SLC30A8: variants seen among roughly 807,000 people sequenced by gnomAD.
The protein encoded by SLC30A8 is proton-coupled zinc antiporter SLC30A8.
Under a neutral mutation model 36.9 loss-of-function variants are expected in SLC30A8, and 27 were observed. The observed-to-expected ratio is 0.73, with a 90% CI of 0.54 to 1.01. The LOEUF is 1.01. Ranked by LOEUF, SLC30A8 falls within the 50% of genes least tolerant of loss-of-function variation. The probability of loss-of-function intolerance (pLI) is 0.00; values close to 1 mark genes in which losing one functional copy is unlikely to be tolerated. For missense variants in SLC30A8, 439 were observed against 452.0 expected (o/e 0.97, Z 0.26); for synonymous variants, 164 against 172.4 (o/e 0.95, Z 0.38).
At chr8:117,064,873 A>G (rs1818122846) in intron 2 of SLC30A8, among the ~76,000 whole-genome samples, 1 of 152,192 alleles carries the variant, frequency 6.6e-6, no homozygotes, top group Non-Finnish European at 1.5e-5. Flanking sequence ...GATCATTGCA[A>G]TGGCACTGTT....
rs1386089243 is a variant in SLC30A8, at chr8:116,985,291, CAT to C, written c.-266+34174_-266+34175del. Among the ~76,000 whole-genome samples the C allele has an allele frequency of 2.1e-4, 23 of 111,012 alleles. 1 individual carries two copies. Among genetic ancestry groups the C allele is most frequent in the Admixed American group, 8.2e-4 (8 of 9,718 alleles). The allele number at this position is 111,012 out of a possible 152,430, so 72.8% of individuals were successfully genotyped here. On this transcript the variant is annotated intron_variant, in intron 1 of 10. Transcript: ENST00000427715. ...ATGCAAGCATGTGCATGCTCACACA[CAT>C]ACACACACACACACACACACACACA...
chr8:117,031,518 T>C (rs1365769935), intron 1 of SLC30A8, among the ~76,000 whole-genome samples: 1 of 151,804 alleles, frequency 6.6e-6, no homozygotes, highest in African/African-American at 2.4e-5. Context: ...GGAGTGCAAT[T>C]GGCGCCATCT....
upstream of SLC30A8, among the ~76,000 whole-genome samples, chr8:117,133,368 T>G (rs72687122): frequency 5.6e-3 from 847 of 152,152 alleles, 3 homozygotes; most frequent in Middle Eastern, 0.037. Flanking sequence ...GCATGTATCC[T>G]TCACACTCAT....
At chr8:117,042,714 G>A (rs1817422866) in intron 2 of SLC30A8, among the ~76,000 whole-genome samples, 1 of 151,526 alleles carries the variant, frequency 6.6e-6, no homozygotes, top group Non-Finnish European at 1.5e-5. Flanking sequence ...TTTTCACCCA[G>A]GGTCAGGCTG....
At chr8:116,962,515 A>G (rs796360686) in intron 1 of SLC30A8, among the ~76,000 whole-genome samples, 6 of 151,980 alleles carry the variant, frequency 3.9e-5, no homozygotes, top group African/African-American at 1.2e-4. Context: ...ACTGATGCTC[A>G]CTCTAGTCAT....
chr8:117,090,691 T>A (rs1819079498), intron 2 of SLC30A8, among the ~76,000 whole-genome samples: 1 of 152,208 alleles, frequency 6.6e-6, no homozygotes, highest in South Asian at 2.1e-4. Flanking sequence ...GGGATTAAGA[T>A]TTGAGCATAT....
chr8:117,172,440 C>A, intron 7 of SLC30A8, 96 bp from the exon 8 acceptor site: 4 of 1,546,730 alleles, frequency 2.6e-6, no homozygotes, highest in Non-Finnish European at 3.6e-6. Flanking sequence ...TGCCCCACCC[C>A]AGCAGGTCAA....
intron 4 of SLC30A8, among the ~76,000 whole-genome samples, chr8:117,161,115 ACACATACAAGATCATTTT>A (rs1822770061): frequency 1.3e-5 from 2 of 152,218 alleles, no homozygotes; most frequent in African/African-American, 2.4e-5. Flanking sequence ...ATATGTATGT[ACACATACAAGATCATTTT>A]TCATACATTA....
intron 2 of SLC30A8, among the ~76,000 whole-genome samples, chr8:117,057,363 T>A (rs1817905225): frequency 6.6e-6 from 1 of 152,212 alleles, no homozygotes; most frequent in Non-Finnish European, 1.5e-5. Flanking sequence ...CCATTACCTA[T>A]AAGATGAATA....
At chr8:117,157,636 G>T in intron 3 of SLC30A8, 55 bp from the exon 4 acceptor site, 6 of 1,598,890 alleles carry the variant, frequency 3.8e-6, no homozygotes, top group Non-Finnish European at 5.1e-6. Context: ...GGGGGTGTAG[G>T]TGTAGGTGAT....
intron 2 of SLC30A8, among the ~76,000 whole-genome samples, chr8:117,117,667 A>C (rs565947411): frequency 1.3e-5 from 2 of 152,044 alleles, no homozygotes; most frequent in South Asian, 4.1e-4. Flanking sequence ...GCTCTAAATG[A>C]ATTTTATAGG....
At chr8:117,061,781 G>A (rs1020666727) in intron 2 of SLC30A8, among the ~76,000 whole-genome samples, 1 of 152,174 alleles carries the variant, frequency 6.6e-6, no homozygotes, top group African/African-American at 2.4e-5. Context: ...TCAGCAAATG[G>A]CATTTTACTT....
chr8:116,994,068 AAAG>A (rs1285535369), intron 1 of SLC30A8, among the ~76,000 whole-genome samples: 1 of 151,968 alleles, frequency 6.6e-6, no homozygotes, highest in Non-Finnish European at 1.5e-5. Flanking sequence ...AGAAAGAAAA[AAAG>A]CACACTCTAG....
intron 1 of SLC30A8, among the ~76,000 whole-genome samples, chr8:117,030,020 T>C (rs1430337230): frequency 6.6e-6 from 1 of 152,142 alleles, no homozygotes; most frequent in Non-Finnish European, 1.5e-5. Context: ...ATGTAGCATT[T>C]AATAAGGGCA....
At chr8:116,995,349 C>G (rs1012802540) in intron 1 of SLC30A8, among the ~76,000 whole-genome samples, 2 of 152,064 alleles carry the variant, frequency 1.3e-5, no homozygotes, top group Non-Finnish European at 1.5e-5. Context: ...CCAAATAAAG[C>G]CATCCAAATA....
At chr8:117,034,394 T>C (rs1171620809) in intron 1 of SLC30A8, among the ~76,000 whole-genome samples, 1 of 152,232 alleles carries the variant, frequency 6.6e-6, no homozygotes, top group East Asian at 1.9e-4. Context: ...TAAATTTTAC[T>C]ACATAATGCT....
At chr8:117,069,274 A>G (rs552502386) in intron 2 of SLC30A8, among the ~76,000 whole-genome samples, 5 of 152,364 alleles carry the variant, frequency 3.3e-5, no homozygotes, top group African/African-American at 1.2e-4. Context: ...AAGTTACATC[A>G]GGTTTTGGAA....
At chr8:116,981,852 A>G (rs933529202) in intron 1 of SLC30A8, among the ~76,000 whole-genome samples, 2 of 152,110 alleles carry the variant, frequency 1.3e-5, no homozygotes, top group Admixed American at 6.6e-5. Flanking sequence ...TGTCTTTGCT[A>G]TTGTGAATAG....
At chr8:117,088,839 C>T (rs894683948) in intron 2 of SLC30A8, among the ~76,000 whole-genome samples, 1 of 152,128 alleles carries the variant, frequency 6.6e-6, no homozygotes, top group East Asian at 1.9e-4. Context: ...TATTAGATGA[C>T]GTTGGTTGGT....
Sources: allele counts gnomAD v4.1 joint callset (sites outside exome capture counted in the v4.1 genomes callset), GRCh38; gene constraint gnomAD v4.1.1; transcripts MANE v1.5; gene names NCBI Gene and HGNC (gene_info 2026-07-23, HGNC 2026-07-21).